The following VPS53 variants were observed in gnomAD, a reference collection of about 807,000 sequenced individuals.
The protein encoded by VPS53 is VPS53 subunit of GARP complex, also known as vacuolar protein sorting-associated protein 53 homolog.
A neutral mutation model predicts 107.0 loss-of-function variants in VPS53; 70 were observed. That is an observed-to-expected ratio of 0.65 (90% CI 0.54 to 0.80). The LOEUF is 0.80. Ranked by LOEUF, VPS53 falls within the 30% of genes least tolerant of loss-of-function variation. The probability of loss-of-function intolerance (pLI) is 0.00; values close to 1 mark genes in which losing one functional copy is unlikely to be tolerated. For synonymous variants in VPS53, 409 were observed against 393.3 expected (o/e 1.04, Z -0.47); for missense variants, 917 against 1,049.4 (o/e 0.87, Z 1.74).
At chr17:637,396 G>T (rs1279097558) in intron 7 of VPS53, among the ~76,000 whole-genome samples, 1 of 152,004 alleles carries the variant, frequency 6.6e-6, no homozygotes, top group East Asian at 1.9e-4. Flanking sequence ...TTTTTTGAAG[G>T]GTTTTTTGTG....
At chr17:605,124 A>C (rs1027874357) in intron 11 of VPS53, among the ~76,000 whole-genome samples, 1 of 151,980 alleles carries the variant, frequency 6.6e-6, no homozygotes, top group Non-Finnish European at 1.5e-5. Flanking sequence ...TGGAGGGCGG[A>C]GGGAACAGCA....
chr17:697,185 C>T (rs935172728), intron 4 of VPS53, among the ~76,000 whole-genome samples: 3 of 152,150 alleles, frequency 2.0e-5, no homozygotes, highest in Non-Finnish European at 4.4e-5. Flanking sequence ...ACAAGGAAGC[C>T]CCAGTGTTCT....
At chr17:589,200 G>A (rs1335677551) in intron 12 of VPS53, among the ~76,000 whole-genome samples, 3 of 151,074 alleles carry the variant, frequency 2.0e-5, no homozygotes, top group Non-Finnish European at 2.9e-5. Context: ...AAAAATCAAC[G>A]TGTATATTTT....
At chr17:603,128 C>G (rs1434689112) in intron 11 of VPS53, among the ~76,000 whole-genome samples, 1 of 152,118 alleles carries the variant, frequency 6.6e-6, no homozygotes, top group Non-Finnish European at 1.5e-5. Context: ...AAAATAAAAC[C>G]AAAACTTACA....
intron 17 of VPS53, 157 bp downstream of exon 17, chr17:551,715 A>G (rs888088030): frequency 9.5e-6 from 5 of 524,268 alleles, no homozygotes; most frequent in Non-Finnish European, 1.6e-5. Flanking sequence ...CAGGTGCGAC[A>G]CTAACTGAGT....
intron 12 of VPS53, among the ~76,000 whole-genome samples, chr17:597,013 T>G (rs1427549331): frequency 6.6e-6 from 1 of 152,242 alleles, no homozygotes; most frequent in Admixed American, 6.5e-5. Context: ...GGGACATTCC[T>G]TATTTCTGCT....
At chr17:625,652 C>T (rs149363884) in intron 10 of VPS53, among the ~76,000 whole-genome samples, 13 of 152,232 alleles carry the variant, frequency 8.5e-5, no homozygotes, top group Admixed American at 3.9e-4. Flanking sequence ...CACGTGGGGC[C>T]GGGAGCACCT....
intron 7 of VPS53, among the ~76,000 whole-genome samples, chr17:644,538 C>A (rs750120509): frequency 6.6e-6 from 1 of 152,082 alleles, no homozygotes; most frequent in Non-Finnish European, 1.5e-5. Flanking sequence ...TAGTCAAGCA[C>A]TGAAAATAAA....
chr17:608,519 T>TA (rs1968688440), intron 11 of VPS53, among the ~76,000 whole-genome samples: 1 of 152,184 alleles, frequency 6.6e-6, no homozygotes, highest in African/African-American at 2.4e-5. Flanking sequence ...GGGGGAGGGA[T>TA]ATACAGTAGT....
intron 2 of VPS53, among the ~76,000 whole-genome samples, chr17:704,145 C>T (rs1973315187): frequency 6.6e-6 from 1 of 152,154 alleles, no homozygotes. Flanking sequence ...ATCAAACTTT[C>T]AAATGATTAT....
intron 13 of VPS53, among the ~76,000 whole-genome samples, chr17:567,176 G>A (rs1300321907): frequency 6.6e-6 from 1 of 152,174 alleles, no homozygotes; most frequent in Non-Finnish European, 1.5e-5. Flanking sequence ...CCACCCCAAT[G>A]AGTAAGATTA....
In VPS53 at chr17:619,495, C is replaced by T. The variant is rs375363867; in HGVS notation, c.1116+4038G>A. Among the ~76,000 whole-genome samples, 55 of 147,462 alleles carry T rather than the reference C, an allele frequency of 3.7e-4. No individual in the cohort carries two copies. In the East Asian group the frequency reaches 7.5e-3, roughly 20 times the overall value. On this transcript the variant is annotated intron_variant, in intron 11 of 21. Coordinates refer to ENST00000437048, the MANE Select transcript of VPS53 (RefSeq NM_001128159.3). ...CACCACCACGCCTGCTTATATTTCCCGGATAGCTGGGACTACAGGCGTGCA... is the reference window on the plus strand; with the variant it reads ...CACCACCACGCCTGCTTATATTTCCTGGATAGCTGGGACTACAGGCGTGCA...
At chr17:609,801 A>G (rs942392257) in intron 11 of VPS53, among the ~76,000 whole-genome samples, 9 of 152,152 alleles carry the variant, frequency 5.9e-5, no homozygotes, top group Non-Finnish European at 1.2e-4. Context: ...GAGAGAAGAG[A>G]AGAGAGGAAA....
At chr17:659,664 C>G (rs2143578757) in intron 5 of VPS53, among the ~76,000 whole-genome samples, 1 of 152,048 alleles carries the variant, frequency 6.6e-6, no homozygotes, top group East Asian at 1.9e-4. Flanking sequence ...TAAATATTCT[C>G]CCTCTGCTTC....
At chr17:705,365 G>A (rs1186272914) in intron 2 of VPS53, among the ~76,000 whole-genome samples, 1 of 152,034 alleles carries the variant, frequency 6.6e-6, no homozygotes, top group Non-Finnish European at 1.5e-5. Context: ...GAGGCAGGAG[G>A]GTGGCTTGAG....
At chr17:593,973 A>G (rs1339396656) in intron 12 of VPS53, among the ~76,000 whole-genome samples, 1 of 152,236 alleles carries the variant, frequency 6.6e-6, no homozygotes, top group African/African-American at 2.4e-5. Context: ...GGAATACTAC[A>G]CAGCCATAAA....
chr17:563,454 C>T (rs774366780), intron 13 of VPS53, among the ~76,000 whole-genome samples: 18 of 152,098 alleles, frequency 1.2e-4, no homozygotes, highest in Non-Finnish European at 1.8e-4. Context: ...CGCCACCATG[C>T]CCAGCTAACT....
chr17:694,886 C>G (rs1415781584), intron 4 of VPS53, among the ~76,000 whole-genome samples: 2 of 152,062 alleles, frequency 1.3e-5, no homozygotes, highest in Admixed American at 6.6e-5. Context: ...TTTACCTTTT[C>G]GTAGAGACGT....
chr17:570,586 A>G (rs1464246581), intron 13 of VPS53, among the ~76,000 whole-genome samples: 1 of 152,182 alleles, frequency 6.6e-6, no homozygotes, highest in Non-Finnish European at 1.5e-5. Context: ...AAAGACAAAG[A>G]AAGACTCAAT....
Sources: allele counts gnomAD v4.1 joint callset (sites outside exome capture counted in the v4.1 genomes callset), GRCh38; gene constraint gnomAD v4.1.1; transcripts MANE v1.5; gene names NCBI Gene and HGNC (gene_info 2026-07-23, HGNC 2026-07-21).